The following XKR6 variants were observed in gnomAD, a reference collection of about 807,000 sequenced individuals.
The protein encoded by XKR6 is XK related 6, also known as XK-related protein 6.
In XKR6, 22 loss-of-function variants were observed where a neutral mutation model predicts 56.7. The observed-to-expected ratio is 0.39, with a 90% CI of 0.28 to 0.55. The LOEUF (loss-of-function observed/expected upper bound fraction) is 0.55, where lower values mean the gene tolerates loss of function less well. Ranked by LOEUF, XKR6 falls within the 20% of genes least tolerant of loss-of-function variation. XKR6 has a pLI of 0.66. For synonymous variants in XKR6, 524 were observed against 387.8 expected (o/e 1.35, Z -4.13); for missense variants, 852 against 889.0 (o/e 0.96, Z 0.53).
intron 1 of XKR6, among the ~76,000 whole-genome samples, chr8:11,160,680 CG>C (rs1801752547): frequency 6.6e-6 from 1 of 151,992 alleles, no homozygotes; most frequent in African/African-American, 2.4e-5. Context: ...AAGGCCAAGG[CG>C]GGTGGATCCC....
intron 1 of XKR6, among the ~76,000 whole-genome samples, chr8:11,166,666 A>G (rs1802090010): frequency 6.6e-6 from 1 of 151,818 alleles, no homozygotes; most frequent in Non-Finnish European, 1.5e-5. Context: ...TCTGCCTCCT[A>G]GGTTCAAGCG....
intron 1 of XKR6, among the ~76,000 whole-genome samples, chr8:11,069,719 G>A (rs1405832124): frequency 2.1e-5 from 2 of 94,364 alleles, no homozygotes; most frequent in African/African-American, 1.0e-4. Context: ...AGAGAGTTCA[G>A]GGGTCAGTAA....
chr8:11,055,805 G>A (rs990534741), intron 1 of XKR6, among the ~76,000 whole-genome samples: 2 of 150,912 alleles, frequency 1.3e-5, no homozygotes, highest in Non-Finnish European at 3.0e-5. Context: ...GCACAGGGAG[G>A]AAAGCCATGG....
At chr8:11,188,679 A>C (rs1377066998) in intron 1 of XKR6, among the ~76,000 whole-genome samples, 1 of 152,128 alleles carries the variant, frequency 6.6e-6, no homozygotes, top group Non-Finnish European at 1.5e-5. Flanking sequence ...TCTGTTGACT[A>C]CTCAAAAGCT....
chr8:11,083,267 G>A (rs1797786837), intron 1 of XKR6, among the ~76,000 whole-genome samples: 1 of 152,186 alleles, frequency 6.6e-6, no homozygotes, highest in Admixed American at 6.5e-5. Context: ...CTCCCTGGAA[G>A]GCCTTACAGG....
At chr8:10,915,112 C>T (rs1800520831) in intron 2 of XKR6, among the ~76,000 whole-genome samples, 1 of 152,224 alleles carries the variant, frequency 6.6e-6, no homozygotes, top group Admixed American at 6.5e-5. Context: ...CTTTCTTGCT[C>T]TCTGTGCACT....
chr8:11,187,240 A>G (rs1745911521), intron 1 of XKR6, among the ~76,000 whole-genome samples: 1 of 152,234 alleles, frequency 6.6e-6, no homozygotes, highest in South Asian at 2.1e-4. Flanking sequence ...GCAGAATGTA[A>G]AAGTGGACAA....
At chr8:10,984,916 C>A (rs1797825687) in intron 1 of XKR6, among the ~76,000 whole-genome samples, 1 of 151,434 alleles carries the variant, frequency 6.6e-6, no homozygotes, top group Non-Finnish European at 1.5e-5. Context: ...CCAATAAAAA[C>A]CAATGGATTG....
At chr8:10,964,471 A>G (rs1157073168) in intron 1 of XKR6, among the ~76,000 whole-genome samples, 1 of 152,184 alleles carries the variant, frequency 6.6e-6, no homozygotes, top group Non-Finnish European at 1.5e-5. Context: ...AGCACTTGAA[A>G]CAACCATGAC....
chr8:10,974,102 C>T (rs574116805), intron 1 of XKR6, among the ~76,000 whole-genome samples: 3 of 152,208 alleles, frequency 2.0e-5, no homozygotes, highest in Admixed American at 2.0e-4. Flanking sequence ...GATCTCTTGT[C>T]ATTCTCTCTC....
chr8:11,160,338 C>A (rs1022136055), intron 1 of XKR6, among the ~76,000 whole-genome samples: 2 of 150,804 alleles, frequency 1.3e-5, no homozygotes, highest in Non-Finnish European at 1.5e-5. Flanking sequence ...GCAGCATATA[C>A]AGATGATGGA....
In XKR6 at chr8:11,200,485, G is replaced by A. The variant is rs1804149429; in HGVS notation, c.764+91C>T. 3.0e-6 allele frequency: 4 copies of A among 1,337,450 alleles called. No homozygotes were observed. The highest frequency in any genetic ancestry group is 3.8e-6 in the Non-Finnish European group (4 of 1,047,286). The allele number at this position is 1,337,450 out of a possible 1,614,324, so 82.8% of individuals were successfully genotyped here. Reference sequence around the variant, plus strand: ...GTCCCTCCTTCGAGCCCCCCGCGCTGGGCCCTTTCGAGGGGCCGCCCCGCG... The same window carrying A: ...GTCCCTCCTTCGAGCCCCCCGCGCTAGGCCCTTTCGAGGGGCCGCCCCGCG... On this transcript the variant is annotated intron_variant, in intron 1 of 2. Coordinates refer to ENST00000416569, the MANE Select transcript of XKR6 (RefSeq NM_173683.4). This position sits in a 1 kb window ranked among gnomAD's most constrained non-coding sequence, Gnocchi z 6.4.
At chr8:11,083,060 T>C (rs1005254348) in intron 1 of XKR6, among the ~76,000 whole-genome samples, 3 of 152,236 alleles carry the variant, frequency 2.0e-5, no homozygotes, top group Non-Finnish European at 4.4e-5. Context: ...CTGAGGTTTC[T>C]GATCCTGTGA....
At chr8:11,043,193 C>T (rs1252730712) in intron 1 of XKR6, among the ~76,000 whole-genome samples, 1 of 151,606 alleles carries the variant, frequency 6.6e-6, no homozygotes, top group Non-Finnish European at 1.5e-5. Flanking sequence ...ATAATATATG[C>T]CCAATGCGTC....
chr8:11,173,587 A>C (rs1191909284), intron 1 of XKR6, among the ~76,000 whole-genome samples: 4 of 152,112 alleles, frequency 2.6e-5, no homozygotes, highest in Non-Finnish European at 2.9e-5. Flanking sequence ...CACATCTGTA[A>C]GATGGGGTCA....
intron 1 of XKR6, among the ~76,000 whole-genome samples, chr8:11,164,661 C>A (rs1207512310): frequency 6.6e-6 from 1 of 152,212 alleles, no homozygotes; most frequent in African/African-American, 2.4e-5. Flanking sequence ...TACACACAAA[C>A]ATACATGCCA....
chr8:11,163,102 A>T (rs915653231), intron 1 of XKR6, among the ~76,000 whole-genome samples: 2 of 152,228 alleles, frequency 1.3e-5, no homozygotes, highest in African/African-American at 2.4e-5. Context: ...ACCACAGTAA[A>T]CCTAAAATTA....
chr8:11,035,940 T>TC (rs1491267043), intron 1 of XKR6, among the ~76,000 whole-genome samples: 2 of 60,212 alleles, frequency 3.3e-5, no homozygotes, highest in African/African-American at 2.2e-4. Flanking sequence ...TGTGAAAGTC[T>TC]TTTTTTTTTT....
intron 1 of XKR6, among the ~76,000 whole-genome samples, chr8:11,047,130 G>C (rs1009505662): frequency 3.9e-5 from 6 of 152,134 alleles, no homozygotes; most frequent in African/African-American, 1.2e-4. Flanking sequence ...TTTACTAAGA[G>C]AATAGATCTT....
Sources: gnomAD v4.1 joint callset for allele counts (sites outside exome capture counted in the v4.1 genomes callset) on GRCh38, gnomAD v4.1.1 for gene constraint, Gnocchi (gnomAD v3.1) non-coding constraint, MANE v1.5 for transcripts, NCBI Gene and HGNC (gene_info 2026-07-23, HGNC 2026-07-21) for gene names.